The following PCDH11X variants were observed in gnomAD, a reference collection of about 807,000 sequenced individuals.
PCDH11X encodes protocadherin 11 X-linked.
PCDH11X carries 18 observed loss-of-function variants against 53.3 expected under a neutral mutation model. The ratio of observed to expected loss-of-function variants is 0.34; its 90% confidence interval spans 0.23 to 0.50. PCDH11X has a LOEUF of 0.50. Ranked by LOEUF, PCDH11X falls within the 20% of genes least tolerant of loss-of-function variation. PCDH11X has a pLI of 0.98. For synonymous variants in PCDH11X, 279 were observed against 393.3 expected (o/e 0.71, Z 3.44); for missense variants, 570 against 1,032.4 (o/e 0.55, Z 6.14).
At chrX:92,581,514 T>C (rs920496817) in intron 10 of PCDH11X, among the ~76,000 whole-genome samples, 2 of 112,088 alleles carry the variant, frequency 1.8e-5, no homozygotes, top group Non-Finnish European at 3.8e-5. Flanking sequence ...AAAACATGCC[T>C]TTTGCTTCCA....
At chrX:92,210,346 C>T (rs1158835889) in intron 7 of PCDH11X, among the ~76,000 whole-genome samples, 1 of 101,371 alleles carries the variant, frequency 9.9e-6, no homozygotes, top group Non-Finnish European at 2.0e-5. Context: ...TCATACCATT[C>T]TCCTGCCTCA....
At chrX:91,833,182 G>A (rs1319212534) in intron 4 of PCDH11X, among the ~76,000 whole-genome samples, 2 of 106,705 alleles carry the variant, frequency 1.9e-5, no homozygotes, top group East Asian at 2.9e-4. Context: ...AGAATAGAGC[G>A]ATAATTTTAA....
intron 6 of PCDH11X, among the ~76,000 whole-genome samples, chrX:92,005,338 T>C (rs2062581212): frequency 9.0e-6 from 1 of 111,561 alleles, no homozygotes; most frequent in Non-Finnish European, 1.9e-5. Flanking sequence ...AGTTTCTTTC[T>C]TTTTATTTTT....
chrX:92,345,482 A>G (rs2069870052), intron 8 of PCDH11X, among the ~76,000 whole-genome samples: 1 of 110,132 alleles, frequency 9.1e-6, no homozygotes, highest in Non-Finnish European at 1.9e-5. Context: ...ACTGGCCCCA[A>G]CTCTACACTA....
intron 6 of PCDH11X, among the ~76,000 whole-genome samples, chrX:91,935,766 A>G (rs1271437922): frequency 3.7e-5 from 4 of 108,646 alleles, no homozygotes; most frequent in African/African-American, 1.3e-4. Flanking sequence ...ACATAAATCA[A>G]CGCATGTAAG....
At chrX:92,030,210 C>T (rs1288573205) in intron 6 of PCDH11X, among the ~76,000 whole-genome samples, 1 of 111,924 alleles carries the variant, frequency 8.9e-6, no homozygotes, top group Non-Finnish European at 1.9e-5. Context: ...ATCTGCCCGC[C>T]TTGGCCTCTC....
At chrX:92,093,776 A>G (rs754377844) in intron 6 of PCDH11X, among the ~76,000 whole-genome samples, 1 of 111,046 alleles carries the variant, frequency 9.0e-6, no homozygotes, top group South Asian at 4.0e-4. Context: ...GAAAAGAGGC[A>G]TAGAACATGC....
At chrX:92,449,780 A>C (rs1338509646) in intron 9 of PCDH11X, among the ~76,000 whole-genome samples, 2 of 110,501 alleles carry the variant, frequency 1.8e-5, no homozygotes, top group African/African-American at 6.6e-5. Flanking sequence ...TTAGACTCTC[A>C]GCTCTGTCAC....
At chrX:92,149,477 ATGTGTGTGTG>A (rs1180768042) in intron 6 of PCDH11X, among the ~76,000 whole-genome samples, 8 of 87,153 alleles carry the variant, frequency 9.2e-5, no homozygotes, top group African/African-American at 3.9e-4. Flanking sequence ...GTGTGTATAT[ATGTGTGTGTG>A]TATATATATA....
intron 8 of PCDH11X, among the ~76,000 whole-genome samples, chrX:92,337,351 G>T (rs1245424619): frequency 7.3e-5 from 8 of 109,901 alleles, no homozygotes; most frequent in African/African-American, 2.6e-4. Context: ...GTGAGTTCTT[G>T]CTCCCTTTGG....
intron 9 of PCDH11X, among the ~76,000 whole-genome samples, chrX:92,462,233 T>G (rs2073063784): frequency 8.9e-6 from 1 of 111,825 alleles, no homozygotes; most frequent in Admixed American, 9.5e-5. Flanking sequence ...TTGGGTAAAT[T>G]GCTTAGAAGA....
At chrX:92,501,399 C>T (rs948022775) in intron 10 of PCDH11X, among the ~76,000 whole-genome samples, 1 of 111,047 alleles carries the variant, frequency 9.0e-6, no homozygotes, top group Non-Finnish European at 1.9e-5. Context: ...TATCCTGATA[C>T]CAAAACCTGG....
At chrX:92,079,070 G>T (rs2148096048) in intron 6 of PCDH11X, among the ~76,000 whole-genome samples, 1 of 110,280 alleles carries the variant, frequency 9.1e-6, no homozygotes, top group Admixed American at 9.7e-5. Context: ...GTAATAAATG[G>T]CTACAAACTT....
At chrX:92,518,792 T>A (rs1363485901) in intron 10 of PCDH11X, among the ~76,000 whole-genome samples, 1 of 95,736 alleles carries the variant, frequency 1.0e-5, no homozygotes, top group Non-Finnish European at 2.1e-5. Context: ...AGTCTCGCTC[T>A]GTCGCCCAGG....
chrX:92,355,543 T>G (rs2070185587), intron 8 of PCDH11X, among the ~76,000 whole-genome samples: 1 of 105,643 alleles, frequency 9.5e-6, no homozygotes, highest in African/African-American at 3.5e-5. Flanking sequence ...AAACATACAT[T>G]TATCAGTTTT....
chrX:91,804,227 C>T (rs953522648), intron 1 of PCDH11X, among the ~76,000 whole-genome samples: 40 of 111,209 alleles, frequency 3.6e-4, no homozygotes, highest in Non-Finnish European at 2.5e-4. Flanking sequence ...TTAAAATATG[C>T]CATTTTAATG....
intron 7 of PCDH11X, among the ~76,000 whole-genome samples, chrX:92,233,284 C>T (rs1469262613): frequency 2.7e-5 from 3 of 110,891 alleles, no homozygotes; most frequent in African/African-American, 9.8e-5. Context: ...AGTCCTTTCC[C>T]ATTTTTTTAA....
chrX:92,513,475 T>C, intron 10 of PCDH11X, among the ~76,000 whole-genome samples: 1 of 109,713 alleles, frequency 9.1e-6, no homozygotes, highest in East Asian at 2.9e-4. Flanking sequence ...TTACACAAAA[T>C]GAGAATATTA....
intron 8 of PCDH11X, among the ~76,000 whole-genome samples, chrX:92,272,694 A>C (rs2067984935): frequency 8.9e-6 from 1 of 112,359 alleles, no homozygotes; most frequent in African/African-American, 3.2e-5. Flanking sequence ...AAACCTAGTA[A>C]ATATTTAATG....
Sources: allele counts gnomAD v4.1 joint callset (sites outside exome capture counted in the v4.1 genomes callset), GRCh38; gene constraint gnomAD v4.1.1; transcripts MANE v1.5; gene names NCBI Gene and HGNC (gene_info 2026-07-23, HGNC 2026-07-21).